The following B4GALNT3 variants were observed in gnomAD, a reference collection of about 807,000 sequenced individuals.
B4GALNT3 encodes beta-1,4-N-acetylgalactosaminyltransferase 3.
Under a neutral mutation model 120.2 loss-of-function variants are expected in B4GALNT3, and 86 were observed. The ratio of observed to expected loss-of-function variants is 0.72; its 90% CI spans 0.60 to 0.86. The LOEUF is 0.86. B4GALNT3 is among the 40% of genes least tolerant of loss of function. The probability of loss-of-function intolerance (pLI) is 0.00; values close to 1 mark genes in which losing one functional copy is unlikely to be tolerated. For synonymous variants in B4GALNT3, 518 were observed against 510.4 expected (o/e 1.01, Z -0.20); for missense variants, 1,167 against 1,298.9 (o/e 0.90, Z 1.56).
intron 14 of B4GALNT3, among the ~76,000 whole-genome samples, chr12:554,569 T>C (rs12823820): frequency 6.6e-6 from 1 of 150,596 alleles, no homozygotes; most frequent in Non-Finnish European, 1.5e-5. Context: ...GGCGGGCGGA[T>C]CACGAGGTCA....
intron 1 of B4GALNT3, among the ~76,000 whole-genome samples, chr12:498,311 T>C (rs531409840): frequency 5.9e-5 from 9 of 152,232 alleles, no homozygotes; most frequent in African/African-American, 2.2e-4. Context: ...CTCCACCATG[T>C]CCGCCCAAGT....
At position 548,868 on chromosome 12, in the gene B4GALNT3, G is replaced by C. The variant is rs1947041211; in HGVS notation, c.853+571G>C. ...CAGTGAGCTGTAATTGGGTCACTGT[G>C]CTCCAGCCTGGGCAACAGAGCAAGA... On this transcript the variant is annotated intron_variant, in intron 9 of 19. Transcript: ENST00000266383. The surrounding 1 kb of genome is among the most constrained non-coding windows in gnomAD (Gnocchi z 4.9). Among the ~76,000 whole-genome samples the C allele has an allele frequency of 6.6e-6, 1 of 152,144 alleles. No homozygotes were observed. Among genetic ancestry groups the C allele is most frequent in the African/African-American group, 2.4e-5 (1 of 41,412 alleles).
At chr12:511,966 ACCTTCCG>A (rs1484388881) in intron 1 of B4GALNT3, among the ~76,000 whole-genome samples, 7 of 89,316 alleles carry the variant, frequency 7.8e-5, no homozygotes, top group South Asian at 4.1e-4. Context: ...TCCACCTTCC[ACCTTCCG>A]CCTTCCGCAT....
At chr12:556,492 C>T in intron 14 of B4GALNT3, 55 bp from the exon 15 acceptor site, 1 of 1,513,118 alleles carries the variant, frequency 6.6e-7, no homozygotes, top group Non-Finnish European at 9.1e-7. Flanking sequence ...ACACACCGTG[C>T]TACCCTCCCA....
chr12:509,528 G>T (rs564576410), intron 1 of B4GALNT3, among the ~76,000 whole-genome samples: 38 of 152,320 alleles, frequency 2.5e-4, no homozygotes, highest in Admixed American at 1.4e-3. Flanking sequence ...CCCCAGTGCA[G>T]ATTTCATTGA....
Position 460,542 on chromosome 12 carries a change from C to G in B4GALNT3, c.166C>G (p.Arg56Gly). 6.7e-7 allele frequency: 1 copy of G among 1,500,374 alleles called. No homozygotes were observed. Among genetic ancestry groups the G allele is most frequent in the South Asian group, 1.3e-5 (1 of 77,462 alleles). The allele number at this position is 1,500,374 out of a possible 1,614,324, so 92.9% of individuals were successfully genotyped here. A position where few individuals can be genotyped will look rare whatever the true frequency, so the allele number is the denominator to read the frequency against. ...SAQVGGNPLN[R>G]RYGSWRELAK... ...CCAGGTCGGCGGGAACCCCCTGAAC[C>G]GGAGTAAGTAGCACCCAGGGGAGGC... The change falls in exon 1 of 20, where the codon CGG (arginine) becomes GGG (glycine). Residue 56 changes from arginine to glycine, a missense_variant. Physicochemically the swap from Arg to Gly is moderately radical, Grantham distance 125. Around this residue, in one of 3 missense-constraint regions of B4GALNT3, gnomAD observed 171 missense variants for 161.3 expected, o/e 1.06. Transcript: ENST00000266383. This position sits in a 1 kb window ranked among gnomAD's most constrained non-coding sequence, Gnocchi z 8.0.
At chr12:549,100 C>T (rs753469218) in intron 9 of B4GALNT3, among the ~76,000 whole-genome samples, 1 of 152,182 alleles carries the variant, frequency 6.6e-6, no homozygotes, top group Non-Finnish European at 1.5e-5. Flanking sequence ...AGACTCCCAT[C>T]CTCAGGCCCC....
chr12:550,038 C>A lies in B4GALNT3; in HGVS notation c.997+126C>A. On this transcript the variant is annotated intron_variant, in intron 10 of 19. Coordinates refer to ENST00000266383, the MANE Select transcript of B4GALNT3 (RefSeq NM_173593.4). This position sits in a 1 kb window ranked among gnomAD's most constrained non-coding sequence, Gnocchi z 4.1. ...AATCACCGTAGAACTTTTTATCGTCCTTGTAACATAGAACATGCATACAGA... is the reference window on the plus strand; with the variant it reads ...AATCACCGTAGAACTTTTTATCGTCATTGTAACATAGAACATGCATACAGA... 9.3e-7 allele frequency: 1 copy of A among 1,073,810 alleles called. No individual in the cohort carries two copies. The highest frequency in any genetic ancestry group is 1.3e-6 in the Non-Finnish European group (1 of 755,202). The allele number at this position is 1,073,810 out of a possible 1,614,324, so 66.5% of individuals were successfully genotyped here. A position where few individuals can be genotyped will look rare whatever the true frequency, so the allele number is the denominator to read the frequency against.
In B4GALNT3 at chr12:494,162, C is replaced by T. The variant is rs1014365430; in HGVS notation, c.169+33617C>T. ...GTGTGCGCCTGTTGTCCCAGCTACT[C>T]GGGAGGCTGAGGTGGGGAGGTGGGA... On this transcript the variant is annotated intron_variant, in intron 1 of 19. Coordinates refer to ENST00000266383, the MANE Select transcript of B4GALNT3 (RefSeq NM_173593.4). 9.2e-5 allele frequency among the ~76,000 whole-genome samples: 14 copies of T among 151,840 alleles called. No homozygotes were observed. In the South Asian group the frequency reaches 1.0e-3, roughly 11 times the overall value.
rs763994569 is a variant in B4GALNT3 at position 559,261 on chromosome 12, G to C, written c.2762-34G>C. The C allele has an allele frequency of 2.5e-6, 4 of 1,613,000 alleles. No homozygotes were observed. In the South Asian group the frequency reaches 4.4e-5, roughly 18 times the overall value. ...CCTTCCTTCCTCCTCCTGGCCTCTG[G>C]CTCATCTCACCCGAAGCTCCTGTCT... On this transcript the variant is annotated intron_variant, in intron 18 of 19. Coordinates refer to ENST00000266383, the MANE Select transcript of B4GALNT3 (RefSeq NM_173593.4).
chr12:511,205 TTTG>T (rs1339998161), intron 1 of B4GALNT3, among the ~76,000 whole-genome samples: 23 of 151,600 alleles, frequency 1.5e-4, no homozygotes, highest in African/African-American at 5.1e-4. Context: ...ATTTTTGTTT[TTTG>T]TTTTTTTTGG....
At chr12:547,600 T>G (rs1250809094) in intron 7 of B4GALNT3, among the ~76,000 whole-genome samples, 2 of 152,200 alleles carry the variant, frequency 1.3e-5, no homozygotes, top group African/African-American at 4.8e-5. Flanking sequence ...GCGTGGTCCC[T>G]GGGGCAAGTC....
At position 511,665 on chromosome 12, in the gene B4GALNT3, ACCTTCCG is replaced by A. The variant is rs1387888190; in HGVS notation, c.170-23487_170-23481del. On this transcript the variant is annotated intron_variant, in intron 1 of 19. Coordinates refer to ENST00000266383, the MANE Select transcript of B4GALNT3 (RefSeq NM_173593.4). ...CACCTTCTTCCACCTTCGAGCTTCC[ACCTTCCG>A]CCTTCCGCCTTCCACCTTCTGTCTT... 4.0e-3 allele frequency among the ~76,000 whole-genome samples: 43 copies of A among 10,814 alleles called. 2 individuals are homozygous for A. Among genetic ancestry groups the A allele is most frequent in the East Asian group, 0.023 (3 of 130 alleles). 7.1% of individuals were successfully genotyped at this position (10,814 alleles called of 152,430 possible). A position where few individuals can be genotyped will look rare whatever the true frequency, so the allele number is the denominator to read the frequency against.
chr12:559,472 C>G, intron 19 of B4GALNT3, 51 bp downstream of exon 19: 2 of 1,605,016 alleles, frequency 1.2e-6, no homozygotes, highest in South Asian at 2.2e-5. Flanking sequence ...CCATGGCGCT[C>G]CAGGCAGGGA....
chr12:557,224 AAC>A (rs1352785357), intron 15 of B4GALNT3, among the ~76,000 whole-genome samples: 1 of 152,088 alleles, frequency 6.6e-6, no homozygotes, highest in Non-Finnish European at 1.5e-5. Flanking sequence ...GAGAAGGAGG[AAC>A]ACACAACAGG....
At chr12:549,202 C>A (rs181477760) in intron 9 of B4GALNT3, among the ~76,000 whole-genome samples, 5 of 152,262 alleles carry the variant, frequency 3.3e-5, no homozygotes, top group Non-Finnish European at 2.9e-5. Context: ...GCCAGCCCCC[C>A]ACCCCCCTTC....
intron 1 of B4GALNT3, among the ~76,000 whole-genome samples, chr12:475,717 A>G (rs1319728473): frequency 6.6e-6 from 1 of 152,130 alleles, no homozygotes; most frequent in Non-Finnish European, 1.5e-5. Flanking sequence ...CTTGTGTTGC[A>G]CCTAAGTTTT....
intron 3 of B4GALNT3, among the ~76,000 whole-genome samples, chr12:541,039 G>A (rs1452913664): frequency 3.3e-5 from 5 of 152,180 alleles, no homozygotes; most frequent in Non-Finnish European, 7.4e-5. Flanking sequence ...CACCGTGCCC[G>A]GCAGCTTCGG....
rs144244402 is a variant in B4GALNT3 at position 559,560 on chromosome 12, C to T, written c.2888+139C>T. On this transcript the variant is annotated intron_variant, in intron 19 of 19. Coordinates refer to ENST00000266383, the MANE Select transcript of B4GALNT3 (RefSeq NM_173593.4). Reference sequence around the variant, plus strand: ...AGTAAAGAGCACTGGACTCGGAGGACGCCCTCAAATCACCGGCCTCGCTGG... The same window carrying T: ...AGTAAAGAGCACTGGACTCGGAGGATGCCCTCAAATCACCGGCCTCGCTGG... 216 of 1,264,118 alleles carry T rather than the reference C, an allele frequency of 1.7e-4. 1 individual carries two copies. Among genetic ancestry groups the T allele is most frequent in the African/African-American group, 1.6e-3 (107 of 66,674 alleles). 78.3% of individuals were successfully genotyped at this position (1,264,118 alleles called of 1,614,324 possible). A position where few individuals can be genotyped will look rare whatever the true frequency, so the allele number is the denominator to read the frequency against.
Sources: allele counts gnomAD v4.1 joint callset (sites outside exome capture counted in the v4.1 genomes callset), GRCh38; gene constraint gnomAD v4.1.1; regional missense constraint gnomAD v4.1.1; non-coding constraint Gnocchi (gnomAD v3.1); transcripts MANE v1.5; gene names NCBI Gene and HGNC (gene_info 2026-07-23, HGNC 2026-07-21).